Variants in FER1L6 observed in about 807,000 individuals in gnomAD.
FER1L6 encodes the protein fer-1 like family member 6, also known as fer-1-like protein 6.
In FER1L6, 177 loss-of-function variants were observed where a neutral mutation model predicts 219.2. The observed-to-expected ratio is 0.81, with a 90% CI of 0.71 to 0.91. The LOEUF (loss-of-function observed/expected upper bound fraction) is 0.91. Ranked by LOEUF, FER1L6 falls within the 40% of genes least tolerant of loss-of-function variation. The pLI is 0.00. For missense variants in FER1L6, 2,153 were observed against 2,259.9 expected (o/e 0.95, Z 0.96); for synonymous variants, 768 against 824.3 (o/e 0.93, Z 1.17).
rs551796331 is a variant in FER1L6 at position 123,887,306 on chromosome 8, C to A, written c.-8+35121C>A. Among the ~76,000 whole-genome samples, 36 of 152,254 alleles carry A rather than the reference C, an allele frequency of 2.4e-4. 1 individual carries two copies. The South Asian group carries it at 7.3e-3, about 31-fold the overall frequency. On this transcript the variant is annotated intron_variant, in intron 1 of 40. Transcript: ENST00000522917. ...GGCAAGCAGCAGGACCTAGACCAAA[C>A]CCCCGGTGTTTTGGTAACAGATTTT...
chr8:123,954,823 G>A (rs1163126660), intron 1 of FER1L6, among the ~76,000 whole-genome samples: 2 of 152,140 alleles, frequency 1.3e-5, no homozygotes, highest in South Asian at 2.1e-4. Flanking sequence ...TGCTTTTCAC[G>A]TTCAAGGCCC....
intron 18 of FER1L6, among the ~76,000 whole-genome samples, chr8:124,033,824 T>C (rs115765332): frequency 0.018 from 2,677 of 152,322 alleles, 89 homozygotes; most frequent in African/African-American, 0.06. Context: ...TACTTCTCAG[T>C]TTCCTCAGTA....
At position 124,097,822 on chromosome 8, in the gene FER1L6, G is replaced by A; in HGVS notation, c.4822G>A (p.Val1608Ile). 6.2e-7 allele frequency: 1 copy of A among 1,607,488 alleles called. No homozygotes were observed. The highest frequency in any genetic ancestry group is 8.5e-7 in the Non-Finnish European group (1 of 1,173,898). The change falls in exon 37 of 41, where the codon GTC becomes ATC. Residue 1608 changes from valine to isoleucine, a missense_variant. Physicochemically the swap from Val to Ile is conservative, Grantham distance 29. Coordinates refer to ENST00000522917, the MANE Select transcript of FER1L6 (RefSeq NM_001039112.2). ...LRVTIWNTED[V>I]ILEDENIFTG... ...AGTGACCATCTGGAACACTGAAGAT[G>A]TCATTTTAGAGGATGAGAATATCTT...
chr8:124,044,960 C>T (rs1819661801), intron 20 of FER1L6, among the ~76,000 whole-genome samples: 1 of 152,204 alleles, frequency 6.6e-6, no homozygotes, highest in African/African-American at 2.4e-5. Flanking sequence ...CCTCTGTATC[C>T]ATTGACTGCT....
intron 1 of FER1L6, among the ~76,000 whole-genome samples, chr8:123,921,111 ATTTC>A (rs1197438162): frequency 6.6e-6 from 1 of 152,044 alleles, no homozygotes; most frequent in African/African-American, 2.4e-5. Flanking sequence ...GGTTGCTTCT[ATTTC>A]TTGGCTATTA....
intron 9 of FER1L6, among the ~76,000 whole-genome samples, chr8:123,976,818 C>G (rs1816095089): frequency 1.3e-5 from 2 of 152,210 alleles, no homozygotes; most frequent in Admixed American, 6.5e-5. Flanking sequence ...TTATGTAAGC[C>G]TGGACATCGC....
intron 1 of FER1L6, among the ~76,000 whole-genome samples, chr8:123,854,356 C>T (rs933795463): frequency 6.6e-6 from 1 of 152,194 alleles, no homozygotes; most frequent in East Asian, 1.9e-4. Context: ...CCACAGTGCA[C>T]ACCCAGATGT....
intron 1 of FER1L6, among the ~76,000 whole-genome samples, chr8:123,953,613 G>A (rs1464504043): frequency 6.6e-6 from 1 of 152,160 alleles, no homozygotes; most frequent in Non-Finnish European, 1.5e-5. Flanking sequence ...AACTCAGAAC[G>A]CTGAGGCTAC....
chr8:124,055,817 A>G (rs1324141456), intron 22 of FER1L6, among the ~76,000 whole-genome samples: 1 of 152,176 alleles, frequency 6.6e-6, no homozygotes, highest in African/African-American at 2.4e-5. Context: ...TCGGGGCATC[A>G]GCAGGTCTGT....
intron 16 of FER1L6, among the ~76,000 whole-genome samples, 184 bp from the exon 17 acceptor site, chr8:124,021,366 C>T (rs1439212630): frequency 6.6e-6 from 1 of 152,110 alleles, no homozygotes; most frequent in Non-Finnish European, 1.5e-5. Flanking sequence ...GATGATATTA[C>T]AGCCTCCATA....
At chr8:124,049,356 G>A (rs1012302977) in intron 21 of FER1L6, among the ~76,000 whole-genome samples, 2 of 152,008 alleles carry the variant, frequency 1.3e-5, no homozygotes, top group African/African-American at 4.8e-5. Context: ...GACCCTTTTA[G>A]GATCATACAG....
rs77982802 is a variant in FER1L6 at position 124,047,050 on chromosome 8, A to G, written c.2724+1149A>G. ...AGATGCTCTGTAGGGAAGACCACAAAATCATTACCTTTTCAATTTTGTTCT... is the reference window on the plus strand; with the variant it reads ...AGATGCTCTGTAGGGAAGACCACAAGATCATTACCTTTTCAATTTTGTTCT... On this transcript the variant is annotated intron_variant, in intron 21 of 40. Coordinates refer to ENST00000522917, the MANE Select transcript of FER1L6 (RefSeq NM_001039112.2). 3.5e-3 allele frequency among the ~76,000 whole-genome samples: 527 copies of G among 152,310 alleles called. 2 individuals carry two copies. Among genetic ancestry groups the G allele is most frequent in the African/African-American group, 0.012 (510 of 41,568 alleles).
At chr8:124,006,924 C>T (rs1226894620) in intron 13 of FER1L6, among the ~76,000 whole-genome samples, 2 of 152,154 alleles carry the variant, frequency 1.3e-5, no homozygotes, top group Admixed American at 6.5e-5. Context: ...ATGATCCAAA[C>T]CAAAGAAACC....
intron 33 of FER1L6, among the ~76,000 whole-genome samples, chr8:124,090,775 C>T (rs1028090410): frequency 1.3e-5 from 2 of 152,172 alleles, no homozygotes; most frequent in East Asian, 3.9e-4. Flanking sequence ...AAAAACTTAT[C>T]ACTGATTAGA....
chr8:123,889,413 A>G (rs530058800), intron 1 of FER1L6, among the ~76,000 whole-genome samples: 27 of 152,268 alleles, frequency 1.8e-4, no homozygotes, highest in African/African-American at 6.5e-4. Context: ...AGTCATTTCC[A>G]ATTAAGAAAG....
At chr8:124,083,278 A>G (rs1821646886) in intron 33 of FER1L6, among the ~76,000 whole-genome samples, 1 of 152,164 alleles carries the variant, frequency 6.6e-6, no homozygotes, top group African/African-American at 2.4e-5. Context: ...CTCATTAACC[A>G]TCATCCACTC....
intron 1 of FER1L6, among the ~76,000 whole-genome samples, chr8:123,927,725 A>C (rs1813622688): frequency 6.6e-6 from 1 of 152,356 alleles, no homozygotes; most frequent in African/African-American, 2.4e-5. Context: ...TATGTAAGAC[A>C]GAATGCCAAA....
At chr8:124,036,474 A>G (rs1171707364) in intron 19 of FER1L6, among the ~76,000 whole-genome samples, 1 of 152,228 alleles carries the variant, frequency 6.6e-6, no homozygotes, top group Non-Finnish European at 1.5e-5. Flanking sequence ...AAGACTCTTC[A>G]TCTTTCAGAT....
chr8:123,892,450 C>A (rs554543111), intron 1 of FER1L6, among the ~76,000 whole-genome samples: 1 of 152,050 alleles, frequency 6.6e-6, no homozygotes, highest in South Asian at 2.1e-4. Flanking sequence ...CGCCACCATG[C>A]CCAGCTAATT....
Sources: gnomAD v4.1 joint callset for allele counts (sites outside exome capture counted in the v4.1 genomes callset) on GRCh38, gnomAD v4.1.1 for gene constraint, MANE v1.5 for transcripts, NCBI Gene and HGNC (gene_info 2026-07-23, HGNC 2026-07-21) for gene names.